The following FAM131C variants were observed in gnomAD, a reference collection of about 807,000 sequenced individuals.
The protein encoded by FAM131C is protein FAM131C.
In FAM131C, 14 loss-of-function variants were observed where a neutral mutation model predicts 29.8. The observed-to-expected ratio is 0.47, with a 90% CI of 0.31 to 0.73. The LOEUF is 0.73. Among genes scored for constraint, FAM131C ranks in the 30% least tolerant of loss-of-function variants. The probability of loss-of-function intolerance (pLI) is 0.05; values close to 1 mark genes in which losing one functional copy is unlikely to be tolerated. For missense variants in FAM131C, 252 were observed against 383.8 expected (o/e 0.66, Z 2.87); for synonymous variants, 86 against 157.8 (o/e 0.54, Z 3.41).
chr1:16,063,596 C>T lies in FAM131C; in HGVS notation c.63G>A (p.Gln21=). The T allele has an allele frequency of 1.2e-6, 2 of 1,613,308 alleles. No homozygotes were observed. Among genetic ancestry groups the T allele is most frequent in the South Asian group, 1.1e-5 (1 of 91,032 alleles). The change falls in exon 2 of 7, where the codon CAG becomes CAA. Residue 21 remains glutamine (Q), a synonymous_variant. Coordinates refer to ENST00000375662, the MANE Select transcript of FAM131C (RefSeq NM_182623.3). ...TSAHKNCPMP[Q]GADPLNPDLP... ...GATCTGGGTTCAAGGGGTCCGCACC[C>T]TGGGGCATGGGGCAGTTCTTGTGGG...
rs201381067 is a variant in FAM131C at position 16,059,548 on chromosome 1, C to T, written c.508G>A (p.Asp170Asn). 3.1e-6 allele frequency: 5 copies of T among 1,606,872 alleles called. No individual in the cohort carries two copies. ...EATLSAWSSL[D>N]EEELHPENSP... ...TTCTCGGGGTGCAGCTCCTCTTCGT[C>T]CAGCGAGGACCAAGCGCTCAGTGTG... Residue 170 changes from aspartate (D) to asparagine (N), a missense_variant, in exon 6 of 7, where the codon GAC becomes AAC. Asp to Asn is a conservative substitution (Grantham distance 23). Transcript: ENST00000375662.
In FAM131C at chr1:16,058,374, C is replaced by T; in HGVS notation, c.*63G>A. ...CCCTGGACCCCGGGGTCCAGATATG[C>T]CTGGGCTGCCCACCAGGCGAGGTCA... On this transcript the variant is annotated 3_prime_UTR_variant, in exon 7 of 7. Transcript: ENST00000375662. 3 of 1,411,352 alleles carry T rather than the reference C, an allele frequency of 2.1e-6. No individual in the cohort carries two copies. Among genetic ancestry groups the T allele is most frequent in the East Asian group, 2.5e-5 (1 of 39,438 alleles). 87.4% of individuals were successfully genotyped at this position (1,411,352 alleles called of 1,614,324 possible). A position where few individuals can be genotyped will look rare whatever the true frequency, so the allele number is the denominator to read the frequency against.
In FAM131C at chr1:16,062,133, G is replaced by A. The variant is rs2023604159; in HGVS notation, c.234C>T (p.Tyr78=). 1.9e-6 allele frequency: 3 copies of A among 1,611,934 alleles called. No individual in the cohort carries two copies. The highest frequency in any genetic ancestry group is 2.5e-6 in the Non-Finnish European group (3 of 1,179,590). ...LSDSRSRPGN[Y]NVAALATSSL... is the part of the protein sequence containing the mutation. ...ACGAGGTGGCCAGGGCTGCCACGTT[G>A]TAGTTGCCGGGGCGGGATCTGGAGT... The change falls in exon 4 of 7, where the codon TAC becomes TAT. Residue 78 remains tyrosine, a synonymous_variant. Transcript: ENST00000375662.
chr1:16,061,521 G>A (rs2023592394), intron 4 of FAM131C, among the ~76,000 whole-genome samples: 1 of 152,140 alleles, frequency 6.6e-6, no homozygotes, highest in East Asian at 1.9e-4. Flanking sequence ...GAGAGGCCGG[G>A]AGGCTACCTA....
At chr1:16,067,251 C>T (rs1419016980) in intron 1 of FAM131C, among the ~76,000 whole-genome samples, 17 of 152,176 alleles carry the variant, frequency 1.1e-4, no homozygotes, top group Non-Finnish European at 1.5e-5. Flanking sequence ...GCCATGGGGA[C>T]GTCAGGTAAT....
rs747511647 is a variant in FAM131C, at chr1:16,063,539, T to C, written c.120A>G (p.Pro40=). 6.2e-7 allele frequency: 1 copy of C among 1,613,748 alleles called. No homozygotes were observed. The highest frequency in any genetic ancestry group is 8.5e-7 in the Non-Finnish European group (1 of 1,179,732). The stretch of plus-strand genomic sequence containing the variant: ...CAGTTACCTTGCCAATGACACAGTC[T>C]GGAGCCACGGTGGGAGTGCGGCCCG... The part of the protein sequence containing the change: ...LPSGRTPTVA[P]DCVIGKDKQM... The change falls in exon 2 of 7, where the codon CCA becomes CCG. Residue 40 remains proline, a synonymous_variant. Coordinates refer to ENST00000375662, the MANE Select transcript of FAM131C (RefSeq NM_182623.3).
At chr1:16,070,124 T>C (rs2023733479) in intron 1 of FAM131C, among the ~76,000 whole-genome samples, 1 of 152,116 alleles carries the variant, frequency 6.6e-6, no homozygotes. Context: ...GGGGTCACAT[T>C]GACCTGGATT....
At chr1:16,065,200 G>T (rs2023665964) in intron 1 of FAM131C, among the ~76,000 whole-genome samples, 1 of 149,044 alleles carries the variant, frequency 6.7e-6, no homozygotes, top group African/African-American at 2.6e-5. Context: ...CCAATTCCAG[G>T]TCCACCTTCC....
chr1:16,060,374 G>C (rs2023577377), intron 4 of FAM131C, among the ~76,000 whole-genome samples: 1 of 132,558 alleles, frequency 7.5e-6, no homozygotes, highest in Non-Finnish European at 1.7e-5. Flanking sequence ...TTCTTCCCCA[G>C]ATCGGCCACA....
At chr1:16,062,071 C>T (rs1391734716) in intron 4 of FAM131C, 28 bp downstream of exon 4, 9 of 1,606,910 alleles carry the variant, frequency 5.6e-6, no homozygotes, top group Middle Eastern at 2.2e-4. Flanking sequence ...CATTCTCCAC[C>T]GGCAGGAGAG....
intron 3 of FAM131C, 102 bp downstream of exon 3, chr1:16,062,397 C>CCCCCCCCCCCCCCA: frequency 7.2e-7 from 1 of 1,396,414 alleles, no homozygotes; most frequent in Non-Finnish European, 9.5e-7. Flanking sequence ...CCCCCCCCGC[C>CCCCCCCCCCCCCCA]CCAGGGCCAG....
chr1:16,062,598 G>A (rs2023618240), intron 2 of FAM131C, 64 bp from the exon 3 acceptor site: 3 of 1,526,332 alleles, frequency 2.0e-6, no homozygotes, highest in African/African-American at 2.8e-5. Flanking sequence ...GATGGCCCGA[G>A]TCCTGGGGCC....
At chr1:16,062,412 A>T in intron 3 of FAM131C, 87 bp downstream of exon 3, 1 of 981,320 alleles carries the variant, frequency 1.0e-6, no homozygotes, top group Non-Finnish European at 1.5e-6. Flanking sequence ...GGCCAGCAGG[A>T]CTGTGTGCCT....
At chr1:16,070,534 G>A (rs895896891) in intron 1 of FAM131C, among the ~76,000 whole-genome samples, 7 of 152,138 alleles carry the variant, frequency 4.6e-5, no homozygotes, top group Admixed American at 4.6e-4. Context: ...GCTCACACCT[G>A]TAATCCCAGC....
At chr1:16,059,081 G>T (rs1299277304) in intron 6 of FAM131C, among the ~76,000 whole-genome samples, 1 of 151,846 alleles carries the variant, frequency 6.6e-6, no homozygotes, top group African/African-American at 2.4e-5. Flanking sequence ...CTTCTAGAAA[G>T]GTGGTTGCTC....
chr1:16,069,866 ATCC>A (rs1401110868), intron 1 of FAM131C, among the ~76,000 whole-genome samples: 3 of 152,196 alleles, frequency 2.0e-5, no homozygotes, highest in Non-Finnish European at 4.4e-5. Flanking sequence ...GGTTCAAGCC[ATCC>A]TCCTGCCTCA....
chr1:16,061,505 C>T (rs1177761375), intron 4 of FAM131C, among the ~76,000 whole-genome samples: 1 of 152,140 alleles, frequency 6.6e-6, no homozygotes, highest in Non-Finnish European at 1.5e-5. Flanking sequence ...AGCTCCTGGG[C>T]ACCTAGAGAG....
intron 2 of FAM131C, 82 bp from the exon 3 acceptor site, chr1:16,062,616 G>T: frequency 2.1e-6 from 3 of 1,457,272 alleles, no homozygotes; most frequent in East Asian, 2.6e-5. Flanking sequence ...GCCCTGGGTG[G>T]GGGTGGGGGT....
chr1:16,062,096 T>A lies in FAM131C; in HGVS notation c.268+3A>T, dbSNP rs761331500. 1.9e-6 allele frequency: 3 copies of A among 1,611,100 alleles called. No homozygotes were observed. Among genetic ancestry groups the A allele is most frequent in the Non-Finnish European group, 2.5e-6 (3 of 1,179,288 alleles). ...CGGCAGGAGAGTTGCGGCCAGAACC[T>A]ACCCACAAGGGACGAGGTGGCCAGG... On this transcript the variant is annotated splice_donor_region_variant and intron_variant, in intron 4 of 6. Transcript: ENST00000375662.
Sources: gnomAD v4.1 joint callset for allele counts (sites outside exome capture counted in the v4.1 genomes callset) on GRCh38, gnomAD v4.1.1 for gene constraint, MANE v1.5 for transcripts, NCBI Gene and HGNC (gene_info 2026-07-23, HGNC 2026-07-21) for gene names.